Variants in MED27 observed in about 807,000 individuals in gnomAD.
MED27 encodes mediator complex subunit 27, also known as mediator of RNA polymerase II transcription subunit 27.
A neutral mutation model predicts 38.2 loss-of-function variants in MED27; 30 were observed. The observed-to-expected ratio is 0.79, with a 90% confidence interval of 0.59 to 1.07. The LOEUF (loss-of-function observed/expected upper bound fraction) is 1.07. Ranked by LOEUF, MED27 falls within the 50% of genes least tolerant of loss-of-function variation. The pLI is 0.00. For synonymous variants in MED27, 122 were observed against 153.5 expected (o/e 0.79, Z 1.52); for missense variants, 289 against 397.5 (o/e 0.73, Z 2.32).
chr9:131,976,566 C>T (rs1230823219), intron 3 of MED27, among the ~76,000 whole-genome samples: 2 of 152,192 alleles, frequency 1.3e-5, no homozygotes, highest in South Asian at 2.1e-4. Context: ...ATCCAATCTC[C>T]CATTACAAAT....
chr9:132,005,711 G>A (rs966930149), intron 3 of MED27, among the ~76,000 whole-genome samples: 2 of 152,074 alleles, frequency 1.3e-5, no homozygotes, highest in Non-Finnish European at 2.9e-5. Flanking sequence ...ATTCACACTC[G>A]GGACATGGAA....
rs1178659366 is a variant in MED27 at position 131,986,249 on chromosome 9, A to ATGG, written c.479+28087_479+28088insCCA. On this transcript the variant is annotated intron_variant, in intron 3 of 7. Transcript: ENST00000292035. ...AGTAATGCCCTACACCTTCACATTCACTCACCATGGCTCACTGACTCACCC... is the reference window on the plus strand; with the variant it reads ...AGTAATGCCCTACACCTTCACATTCATGGCTCACCATGGCTCACTGACTCACCC... 2.5e-4 allele frequency among the ~76,000 whole-genome samples: 38 copies of ATGG among 152,114 alleles called. 1 individual carries two copies. The highest frequency in any genetic ancestry group is 8.7e-4 in the African/African-American group (36 of 41,426).
intron 3 of MED27, among the ~76,000 whole-genome samples, chr9:131,966,089 G>A (rs527273675): frequency 7.9e-4 from 117 of 147,684 alleles, no homozygotes; most frequent in Non-Finnish European, 1.4e-3. Context: ...TTGGCCAGGG[G>A]TGGTGGCTCA....
chr9:131,881,757 CCCCTCCCTCCCTCCTT>C (rs1248746824), intron 6 of MED27, among the ~76,000 whole-genome samples: 2 of 150,168 alleles, frequency 1.3e-5, no homozygotes, highest in South Asian at 2.1e-4. Flanking sequence ...CCATTAGTAA[CCCCTCCCTCCCTCCTT>C]CCCTCCCTCC....
chr9:132,078,959 G>A (rs1834114367), intron 1 of MED27, among the ~76,000 whole-genome samples: 1 of 152,210 alleles, frequency 6.6e-6, no homozygotes, highest in African/African-American at 2.4e-5. Context: ...AGGAGGAAAA[G>A]TGGAATCCTT....
intron 3 of MED27, among the ~76,000 whole-genome samples, chr9:132,012,327 A>C (rs1337310638): frequency 1.3e-5 from 2 of 152,230 alleles, no homozygotes; most frequent in Non-Finnish European, 2.9e-5. Flanking sequence ...CTTAAGAAGC[A>C]TTCTGCCAAA....
At chr9:132,006,589 T>C (rs1425729626) in intron 3 of MED27, among the ~76,000 whole-genome samples, 2 of 151,962 alleles carry the variant, frequency 1.3e-5, no homozygotes, top group African/African-American at 2.4e-5. Context: ...ATGGTGTCTA[T>C]AGCCAGGTTT....
At chr9:132,068,822 G>C (rs753551528) in intron 2 of MED27, among the ~76,000 whole-genome samples, 9 of 152,188 alleles carry the variant, frequency 5.9e-5, no homozygotes, top group Non-Finnish European at 1.3e-4. Context: ...GAGGGAGCCA[G>C]CCTGGTGATG....
intron 2 of MED27, among the ~76,000 whole-genome samples, chr9:132,043,430 T>C (rs1833264449): frequency 6.6e-6 from 1 of 151,836 alleles, no homozygotes; most frequent in Non-Finnish European, 1.5e-5. Flanking sequence ...GAGGAGGGGC[T>C]CATAACACAC....
rs1260134149 is a variant in MED27 at position 131,908,416 on chromosome 9, C to T, written c.574-14424G>A. On this transcript the variant is annotated intron_variant, in intron 4 of 7. Coordinates refer to ENST00000292035, the MANE Select transcript of MED27 (RefSeq NM_004269.4). The stretch of plus-strand genomic sequence containing the variant: ...TGAGAACGGGCCAGCATGACAATGG[C>T]GGTTTTGTGGAATAGAAAGCGGGGA... Among the ~76,000 whole-genome samples the T allele has an allele frequency of 2.0e-5, 3 of 152,296 alleles. No individual in the cohort carries two copies. In the South Asian group the frequency reaches 6.2e-4, roughly 32 times the overall value.
chr9:131,871,146 C>T (rs937314996), intron 6 of MED27, among the ~76,000 whole-genome samples: 11 of 152,302 alleles, frequency 7.2e-5, no homozygotes, highest in Admixed American at 1.3e-4. Flanking sequence ...TCCAGGTGTG[C>T]GTCCTGCTGT....
At chr9:132,029,718 G>A (rs1045667189) in intron 2 of MED27, among the ~76,000 whole-genome samples, 1 of 152,090 alleles carries the variant, frequency 6.6e-6, no homozygotes, top group Non-Finnish European at 1.5e-5. Flanking sequence ...AGTTTTCCAA[G>A]CAAGAATAAT....
Position 132,065,002 on chromosome 9 carries a change from T to A in MED27, c.348+12440A>T, listed in dbSNP as rs1342911725. 3.3e-5 allele frequency among the ~76,000 whole-genome samples: 5 copies of A among 152,390 alleles called. No homozygotes were observed. In the East Asian group the frequency reaches 5.8e-4, roughly 18 times the overall value. On this transcript the variant is annotated intron_variant, in intron 2 of 7. Coordinates refer to ENST00000292035, the MANE Select transcript of MED27 (RefSeq NM_004269.4). ...GTAGGGAATTACTGGCTTCGTTCAC[T>A]GTGTGTAGAACAGCAACTGGAATAT...
intron 2 of MED27, among the ~76,000 whole-genome samples, chr9:132,023,075 T>A (rs7868558): frequency 6.6e-3 from 1,003 of 152,310 alleles, no homozygotes; most frequent in African/African-American, 0.023. Context: ...AGAGCCCTAA[T>A]AGGCACTTGA....
chr9:131,891,715 G>A (rs963700381), intron 5 of MED27, among the ~76,000 whole-genome samples: 1 of 152,218 alleles, frequency 6.6e-6, no homozygotes, highest in Non-Finnish European at 1.5e-5. Flanking sequence ...TCATCCGCTC[G>A]CATGTGTATT....
At chr9:131,864,632 A>G (rs1412945424) in intron 6 of MED27, among the ~76,000 whole-genome samples, 1 of 152,242 alleles carries the variant, frequency 6.6e-6, no homozygotes, top group Non-Finnish European at 1.5e-5. Context: ...GGCTGAACCC[A>G]TGCAGGCGCA....
intron 2 of MED27, among the ~76,000 whole-genome samples, chr9:132,023,266 G>T (rs4287057): frequency 0.56 from 85,750 of 151,982 alleles, 26,336 homozygotes; most frequent in Non-Finnish European, 0.68. Flanking sequence ...ACCATCACTG[G>T]ACATTTCTAT....
chr9:131,899,414 T>C (rs1336454980), intron 4 of MED27, among the ~76,000 whole-genome samples: 1 of 152,130 alleles, frequency 6.6e-6, no homozygotes, highest in Non-Finnish European at 1.5e-5. Flanking sequence ...CTCCTGGCGG[T>C]GGCCATTTGG....
At chr9:131,996,222 C>A (rs1198950919) in intron 3 of MED27, among the ~76,000 whole-genome samples, 1 of 152,208 alleles carries the variant, frequency 6.6e-6, no homozygotes, top group African/African-American at 2.4e-5. Flanking sequence ...GAAGCAGAGA[C>A]AAATATTGTG....
Sources: allele counts gnomAD v4.1 joint callset (sites outside exome capture counted in the v4.1 genomes callset), GRCh38; gene constraint gnomAD v4.1.1; transcripts MANE v1.5; gene names NCBI Gene and HGNC (gene_info 2026-07-23, HGNC 2026-07-21).